The following CSAD variants were observed in gnomAD, a reference collection of about 807,000 sequenced individuals.
CSAD encodes the protein cysteine sulfinic acid decarboxylase, also known as P-selectin cytoplasmic tail-associated protein.
A neutral mutation model predicts 61.5 loss-of-function variants in CSAD; 47 were observed. That is an observed-to-expected ratio of 0.76 (90% CI 0.60 to 0.97). CSAD has a LOEUF of 0.97. CSAD is among the 50% of genes least tolerant of loss of function. The probability of loss-of-function intolerance (pLI) is 0.00; values close to 1 mark genes in which losing one functional copy is unlikely to be tolerated. For missense variants in CSAD, 611 were observed against 643.6 expected (o/e 0.95, Z 0.55); for synonymous variants, 245 against 252.7 (o/e 0.97, Z 0.29).
chr12:53,172,346 T>C lies in CSAD; in HGVS notation c.344A>G (p.Gln115Arg), dbSNP rs1940685944. ...GGTAGAGGGGCCTTGGGATGCTCAC[T>C]GGCTGGTGTTGAGGCTCTCAGTGAT... ...RIITESLNTS[Q>R]YTYEIAPVFV... is the part of the protein sequence containing the mutation. The change falls in exon 6 of 17, where the codon CAG (glutamine) becomes CGG (arginine). Residue 115 changes from glutamine to arginine, a missense_variant and splice_region_variant. Transcript: ENST00000444623. 6.2e-7 allele frequency: 1 copy of C among 1,613,454 alleles called. No homozygotes were observed.
chr12:53,163,079 A>G (rs1208574826), intron 10 of CSAD, among the ~76,000 whole-genome samples: 2 of 151,960 alleles, frequency 1.3e-5, no homozygotes, highest in Non-Finnish European at 2.9e-5. Context: ...AAAAAAAGAA[A>G]AAAAATAGAC....
At chr12:53,171,272 C>G in intron 8 of CSAD, 54 bp downstream of exon 8, 1 of 1,612,060 alleles carries the variant, frequency 6.2e-7, no homozygotes, top group Non-Finnish European at 8.5e-7. Flanking sequence ...CTCTACTTAG[C>G]TGGCTGGAGA....
At chr12:53,181,348 G>A, upstream of CSAD, 1 of 985,460 alleles carries the variant, frequency 1.0e-6, no homozygotes, top group Middle Eastern at 5.2e-4. Context: ...CCTCTGTAAA[G>A]TGCGAGCTTT....
intron 13 of CSAD, 73 bp downstream of exon 13, chr12:53,160,690 T>A: frequency 7.6e-7 from 1 of 1,308,286 alleles, no homozygotes. Flanking sequence ...GCCTGAACTT[T>A]ATCTAAGGTG....
intron 10 of CSAD, among the ~76,000 whole-genome samples, chr12:53,161,857 G>A (rs1248905629): frequency 1.3e-5 from 2 of 152,116 alleles, no homozygotes; most frequent in Non-Finnish European, 2.9e-5. Context: ...CTACTCAGGA[G>A]GCTGAGATGG....
intron 10 of CSAD, among the ~76,000 whole-genome samples, chr12:53,165,807 T>C (rs1256211735): frequency 1.3e-5 from 2 of 151,900 alleles, no homozygotes; most frequent in African/African-American, 2.4e-5. Context: ...AAAAATTCAA[T>C]AGAATTACCA....
chr12:53,161,282 C>T lies in CSAD; in HGVS notation c.810G>A (p.Leu270=), dbSNP rs1939250730. The T allele has an allele frequency of 2.5e-6, 4 of 1,614,096 alleles. No individual in the cohort carries two copies. The highest frequency in any genetic ancestry group is 4.5e-5 in the East Asian group (2 of 44,850). The part of the protein sequence containing the change: ...ADVCQRHGLW[L]HVDAAWGGSV... The stretch of plus-strand genomic sequence containing the variant: ...CCGAAGTCCCACTCACATCCACATG[C>T]AGCCATAGCCCATGACGCTGGCACA... Residue 270 remains leucine, a synonymous_variant, in exon 11 of 17, where the codon CTG becomes CTA. Transcript: ENST00000444623.
upstream of CSAD, chr12:53,181,100 G>T: frequency 2.1e-6 from 2 of 932,050 alleles, no homozygotes; most frequent in Non-Finnish European, 1.3e-6. Flanking sequence ...GCGCTTCTCG[G>T]CACTCTCCGG....
At chr12:53,170,226 C>T in intron 9 of CSAD, 100 bp from the exon 10 acceptor site, 1 of 1,186,084 alleles carries the variant, frequency 8.4e-7, no homozygotes, top group South Asian at 1.3e-5. Flanking sequence ...CTAGTTTTTC[C>T]CTCAGGGGGT....
At chr12:53,172,063 G>A in intron 6 of CSAD, 75 bp from the exon 7 acceptor site, 1 of 1,040,838 alleles carries the variant, frequency 9.6e-7, no homozygotes, top group Admixed American at 2.0e-5. Flanking sequence ...CTGCACAGGA[G>A]TCACAAAAAG....
chr12:53,179,490 G>C (rs1941388833), intron 1 of CSAD: 1 of 425,770 alleles, frequency 2.3e-6, no homozygotes, highest in East Asian at 4.4e-5. Flanking sequence ...GCGTTGTGTC[G>C]ATTTGTAAAA....
At chr12:53,169,194 A>G (rs1940263438) in intron 10 of CSAD, among the ~76,000 whole-genome samples, 1 of 148,348 alleles carries the variant, frequency 6.7e-6, no homozygotes, top group Non-Finnish European at 1.5e-5. Context: ...AAGAAAAAAA[A>G]AATGGCCGGG....
intron 1 of CSAD, chr12:53,180,494 C>G (rs1941500388): frequency 8.1e-7 from 1 of 1,235,872 alleles, no homozygotes; most frequent in Non-Finnish European, 1.0e-6. Flanking sequence ...CGGGGCGCGC[C>G]CCGGCCACGG....
intron 10 of CSAD, among the ~76,000 whole-genome samples, chr12:53,169,227 C>G (rs1378270253): frequency 2.0e-5 from 3 of 151,412 alleles, no homozygotes; most frequent in African/African-American, 7.3e-5. Flanking sequence ...TGCCTGTAAT[C>G]CCAGCACTTT....
intron 12 of CSAD, 73 bp from the exon 13 acceptor site, chr12:53,160,917 C>T: frequency 1.4e-6 from 2 of 1,396,128 alleles, no homozygotes; most frequent in East Asian, 2.5e-5. Flanking sequence ...TCCTCCTTTT[C>T]CAGGTCCCCA....
In CSAD at chr12:53,180,805, G is replaced by A; in HGVS notation, c.-164C>T. 2 of 1,272,448 alleles carry A rather than the reference G, an allele frequency of 1.6e-6. No individual in the cohort carries two copies. Among genetic ancestry groups the A allele is most frequent in the Non-Finnish European group, 1.0e-6 (1 of 982,324 alleles). The allele number at this position is 1,272,448 out of a possible 1,614,324, so 78.8% of individuals were successfully genotyped here. Reference sequence around the variant, plus strand: ...TGGGGCCTGGAGGAGGCGCCGCGCGGCCAGGGAGCCAGCGGGAGGCCGCGC... The same window carrying A: ...TGGGGCCTGGAGGAGGCGCCGCGCGACCAGGGAGCCAGCGGGAGGCCGCGC... On this transcript the variant is annotated 5_prime_UTR_variant, in exon 1 of 17. Coordinates refer to ENST00000444623, the MANE Select transcript of CSAD (RefSeq NM_001244705.2).
chr12:53,170,790 G>A (rs1565666633), intron 8 of CSAD: 7 of 430,992 alleles, frequency 1.6e-5, no homozygotes, highest in South Asian at 4.4e-5. Flanking sequence ...GTGTCATCTC[G>A]GCTCACTGCA....
At chr12:53,180,255 G>C in intron 1 of CSAD, 5 of 985,398 alleles carry the variant, frequency 5.1e-6, no homozygotes, top group Non-Finnish European at 6.0e-6. Flanking sequence ...AAAAAATTCG[G>C]AGAAGAACCA....
intron 13 of CSAD, 140 bp downstream of exon 13, chr12:53,160,623 G>T (rs1939168716): frequency 5.1e-6 from 4 of 785,526 alleles, no homozygotes; most frequent in South Asian, 3.4e-5. Flanking sequence ...CCTAATACAG[G>T]TTAGGGTGGT....
Sources: gnomAD v4.1 joint callset for allele counts (sites outside exome capture counted in the v4.1 genomes callset) on GRCh38, gnomAD v4.1.1 for gene constraint, MANE v1.5 for transcripts, NCBI Gene and HGNC (gene_info 2026-07-23, HGNC 2026-07-21) for gene names.